DYNC2H1: variants seen among roughly 807,000 people sequenced by gnomAD.
DYNC2H1 encodes the protein cytoplasmic dynein 2 heavy chain 1.
Under a neutral mutation model 570.0 loss-of-function variants are expected in DYNC2H1, and 410 were observed. The observed-to-expected ratio is 0.72, with a 90% CI of 0.66 to 0.78. The LOEUF is 0.78. Ranked by LOEUF, DYNC2H1 falls within the 30% of genes least tolerant of loss-of-function variation. The pLI, the probability that DYNC2H1 is intolerant of heterozygous loss-of-function variation, is 0.00. For synonymous variants in DYNC2H1, 1,688 were observed against 1,677.6 expected, an observed-to-expected ratio of 1.01 and a Z score of -0.15; for missense variants, 4,865 against 5,046.4, an observed-to-expected ratio of 0.96 and a Z score of 1.09.
chr11:103,209,751 C>A lies in DYNC2H1; in HGVS notation c.8455-125C>A. ...CTAAAGATTTCTGTATTATTTTTGT[C>A]TCTTAGTCTGGAATGAATCCTAGAA... On this transcript the variant is annotated intron_variant, in intron 52 of 88. Coordinates refer to ENST00000375735, the MANE Select transcript of DYNC2H1 (RefSeq NM_001377.3). The surrounding 1 kb of genome is among the most constrained non-coding windows in gnomAD (Gnocchi z 4.2). 1 of 652,056 alleles carries A rather than the reference C, an allele frequency of 1.5e-6. No homozygotes were observed. Among genetic ancestry groups the A allele is most frequent in the Non-Finnish European group, 2.2e-6 (1 of 453,056 alleles). The allele number at this position is 652,056 out of a possible 1,614,324, so 40.4% of individuals were successfully genotyped here. A position where few individuals can be genotyped will look rare whatever the true frequency, so the allele number is the denominator to read the frequency against.
rs939834487 is a variant in DYNC2H1, at chr11:103,451,435, C to T, written c.12457-3751C>T. 5.6e-5 allele frequency among the ~76,000 whole-genome samples: 8 copies of T among 143,828 alleles called. No individual in the cohort carries two copies. In the East Asian group the frequency reaches 6.5e-4, roughly 12 times the overall value. 94.4% of individuals were successfully genotyped at this position (143,828 alleles called of 152,430 possible). A position where few individuals can be genotyped will look rare whatever the true frequency, so the allele number is the denominator to read the frequency against. On this transcript the variant is annotated intron_variant, in intron 85 of 88. Transcript: ENST00000375735. ...GCAACCTCCGCCTCCCAGGTTCAAG[C>T]GATTCTCCTGCCTCAGTCTCCCAAG...
At position 103,179,125 on chromosome 11, in the gene DYNC2H1, G is replaced by A; in HGVS notation, c.6239G>A (p.Ser2080Asn). ...GATAATCGACTGCTGACTATGCCCA[G>A]TGGAGAAAGGATTCAGTTTGGCCCA... is the stretch of plus-strand genomic sequence containing the variant. ...LDDNRLLTMP[S>N]GERIQFGPNV... The change falls in exon 39 of 89, where the codon AGT becomes AAT. Residue 2080 changes from serine (S) to asparagine (N), a missense_variant. By Grantham distance (46) the Ser-to-Asn change is conservative. Transcript: ENST00000375735. 1.2e-6 allele frequency: 2 copies of A among 1,613,216 alleles called. No homozygotes were observed. The highest frequency in any genetic ancestry group is 2.2e-5 in the East Asian group (1 of 44,828).
Position 103,209,640 on chromosome 11 carries a change from C to T in DYNC2H1, c.8455-236C>T, listed in dbSNP as rs1187506437. 6.6e-6 allele frequency among the ~76,000 whole-genome samples: 1 copy of T among 151,868 alleles called. No individual in the cohort carries two copies. Among genetic ancestry groups the T allele is most frequent in the Admixed American group, 6.6e-5 (1 of 15,248 alleles). Reference sequence around the variant, plus strand: ...TTTCCTTTACTTCATATAGTCTCACCATTTCAAGTGAGCTTTTCCCAGTGT... The same window carrying T: ...TTTCCTTTACTTCATATAGTCTCACTATTTCAAGTGAGCTTTTCCCAGTGT... On this transcript the variant is annotated intron_variant, in intron 52 of 88. Coordinates refer to ENST00000375735, the MANE Select transcript of DYNC2H1 (RefSeq NM_001377.3). This position sits in a 1 kb window ranked among gnomAD's most constrained non-coding sequence, Gnocchi z 4.2.
chr11:103,286,462 G>A (rs997296674), intron 74 of DYNC2H1, 76 bp downstream of exon 74: 2 of 1,538,972 alleles, frequency 1.3e-6, no homozygotes, highest in Middle Eastern at 4.4e-4. Flanking sequence ...TTAAAGGAAA[G>A]CTTTGCTTTT....
At chr11:103,379,128 A>G (rs1941531747) in intron 83 of DYNC2H1, among the ~76,000 whole-genome samples, 1 of 152,190 alleles carries the variant, frequency 6.6e-6, no homozygotes. Flanking sequence ...GTGGATAATG[A>G]TGCAATCAAG....
chr11:103,163,945 A>G lies in DYNC2H1; in HGVS notation c.4611+798A>G, dbSNP rs1178097003. On this transcript the variant is annotated intron_variant, in intron 30 of 88. Transcript: ENST00000375735. The surrounding 1 kb of genome is among the most constrained non-coding windows in gnomAD (Gnocchi z 4.6). ...TAAGTATGGAAGCTTGGAACAGTTTACATTCTGAACCATTTTCTCATACAT... is the reference window on the plus strand; with the variant it reads ...TAAGTATGGAAGCTTGGAACAGTTTGCATTCTGAACCATTTTCTCATACAT... 1.3e-5 allele frequency among the ~76,000 whole-genome samples: 2 copies of G among 152,222 alleles called. No homozygotes were observed. Among genetic ancestry groups the G allele is most frequent in the African/African-American group, 2.4e-5 (1 of 41,462 alleles).
At position 103,357,466 on chromosome 11, in the gene DYNC2H1, A is replaced by G. The variant is rs193112179; in HGVS notation, c.12040-777A>G. ...ATAAATAACTTATCAACCAGTAATT[A>G]TCATTGCTTTACCATTTTATAGGGT... On this transcript the variant is annotated intron_variant, in intron 82 of 88. Coordinates refer to ENST00000375735, the MANE Select transcript of DYNC2H1 (RefSeq NM_001377.3). 1.1e-3 allele frequency among the ~76,000 whole-genome samples: 167 copies of G among 152,338 alleles called. 1 individual carries two copies. Among genetic ancestry groups the G allele is most frequent in the African/African-American group, 3.5e-3 (144 of 41,582 alleles).
chr11:103,358,078 A>G (rs1484785539), intron 82 of DYNC2H1, among the ~76,000 whole-genome samples, 165 bp from the exon 83 acceptor site: 2 of 152,240 alleles, frequency 1.3e-5, no homozygotes, highest in Non-Finnish European at 2.9e-5. Flanking sequence ...ATAAAACAGT[A>G]AAATATTAAG....
At chr11:103,169,102 T>C in intron 32 of DYNC2H1, 142 bp downstream of exon 32, 2 of 800,880 alleles carry the variant, frequency 2.5e-6, no homozygotes, top group Non-Finnish European at 3.6e-6. Context: ...TTAATCAGAA[T>C]TAGAAAGGTG....
chr11:103,238,208 G>C (rs185513422), intron 63 of DYNC2H1, among the ~76,000 whole-genome samples: 2 of 152,164 alleles, frequency 1.3e-5, no homozygotes, highest in East Asian at 3.9e-4. Flanking sequence ...TTGGGCTTCT[G>C]GGAAAAGATG....
rs61899765 is a variant in DYNC2H1 at position 103,184,879 on chromosome 11, C to T, written c.6478-17C>T. ...AGTTGCCTTTTGTCTGTTTGTATCA[C>T]GGATTTTAATCAACAGAATGACTAT... On this transcript the variant is annotated splice_polypyrimidine_tract_variant and intron_variant, in intron 40 of 88. Coordinates refer to ENST00000375735, the MANE Select transcript of DYNC2H1 (RefSeq NM_001377.3). The T allele has an allele frequency of 3.0e-3, 4,796 of 1,608,658 alleles. 27 individuals carry two copies. Among genetic ancestry groups the T allele is most frequent in the South Asian group, 0.015 (1,340 of 90,656 alleles).
intron 73 of DYNC2H1, among the ~76,000 whole-genome samples, chr11:103,284,260 C>T (rs755211324): frequency 1.8e-4 from 28 of 152,308 alleles, no homozygotes; most frequent in Non-Finnish European, 2.2e-4. Context: ...TAAATTTCCA[C>T]TTGCCTATGC....
chr11:103,333,054 T>TACCC (rs10676866), intron 82 of DYNC2H1, among the ~76,000 whole-genome samples: 2 of 151,388 alleles, frequency 1.3e-5, no homozygotes, highest in Non-Finnish European at 2.9e-5. Context: ...CCAGCAGACT[T>TACCC]TATAAGATTG....
chr11:103,191,606 T>A lies in DYNC2H1; in HGVS notation c.7527T>A (p.Tyr2509Ter), dbSNP rs1322369710. 1.9e-6 allele frequency: 3 copies of A among 1,606,526 alleles called. No individual in the cohort carries two copies. Among genetic ancestry groups the A allele is most frequent in the Non-Finnish European group, 2.6e-6 (3 of 1,175,970 alleles). ...AATGGGTTCTTGGCTTATTTAGATATGATTTAGAAGGAGGTGAGTTTTGCT... is the reference window on the plus strand; with the variant it reads ...AATGGGTTCTTGGCTTATTTAGATAAGATTTAGAAGGAGGTGAGTTTTGCT... ...LTQWVLGLFR[Y>*]DLEGGSSNHP... Residue 2509 changes from tyrosine (Y) to a stop codon, truncating the protein, a stop_gained, in exon 46 of 89, where the codon TAT (tyrosine) becomes TAA (stop). Coordinates refer to ENST00000375735, the MANE Select transcript of DYNC2H1 (RefSeq NM_001377.3). LOFTEE classifies it high-confidence loss of function.
chr11:103,457,351 A>T (rs10895432), intron 87 of DYNC2H1, among the ~76,000 whole-genome samples: 47,597 of 151,684 alleles, frequency 0.31, 7,971 homozygotes, highest in East Asian at 0.51. Context: ...CAGGAGGTAT[A>T]CAAGAAGAAG....
intron 60 of DYNC2H1, among the ~76,000 whole-genome samples, chr11:103,232,200 A>T (rs543945959): frequency 1.3e-5 from 2 of 151,952 alleles, no homozygotes; most frequent in Admixed American, 6.6e-5. Context: ...GACTTCATTT[A>T]TTAGTCACTT....
intron 62 of DYNC2H1, 149 bp downstream of exon 62, chr11:103,235,962 T>C: frequency 1.0e-6 from 1 of 962,602 alleles, no homozygotes; most frequent in Non-Finnish European, 1.4e-6. Flanking sequence ...AAGGATACCC[T>C]AGCTACTTTA....
intron 83 of DYNC2H1, among the ~76,000 whole-genome samples, chr11:103,399,138 GTTTTTTTTTTGT>G (rs1300932812): frequency 1.8e-5 from 2 of 113,892 alleles, no homozygotes; most frequent in Non-Finnish European, 3.4e-5. Context: ...TTCCCACACC[GTTTTTTTTTTGT>G]TTTTTTTTTT....
At chr11:103,263,331 C>T (rs185644338) in intron 70 of DYNC2H1, among the ~76,000 whole-genome samples, 60 of 152,108 alleles carry the variant, frequency 3.9e-4, no homozygotes, top group African/African-American at 1.3e-3. Context: ...ATTCAGGAGT[C>T]GAACTCAGCT....
Sources: gnomAD v4.1 joint callset for allele counts (sites outside exome capture counted in the v4.1 genomes callset) on GRCh38, gnomAD v4.1.1 for gene constraint, Gnocchi (gnomAD v3.1) non-coding constraint, MANE v1.5 for transcripts, NCBI Gene and HGNC (gene_info 2026-07-23, HGNC 2026-07-21) for gene names.